RNF150: variants seen among roughly 807,000 people sequenced by gnomAD.
RNF150 encodes ring finger protein 150.
A neutral mutation model predicts 39.3 loss-of-function variants in RNF150; 24 were observed. The ratio of observed to expected loss-of-function variants is 0.61; its 90% CI spans 0.44 to 0.86. The LOEUF is 0.86. Ranked by LOEUF, RNF150 falls within the 40% of genes least tolerant of loss-of-function variation. The pLI, the probability that RNF150 is intolerant of heterozygous loss-of-function variation, is 0.00. For synonymous variants in RNF150, 255 were observed against 227.3 expected, an observed-to-expected ratio of 1.12 and a Z score of -1.10; for missense variants, 502 against 587.8, an observed-to-expected ratio of 0.85 and a Z score of 1.51.
chr4:140,946,299 T>C (rs1732308585), intron 4 of RNF150, among the ~76,000 whole-genome samples: 1 of 152,224 alleles, frequency 6.6e-6, no homozygotes, highest in South Asian at 2.1e-4. Context: ...TCCTGTCACT[T>C]CTTTTTTGGT....
intron 1 of RNF150, among the ~76,000 whole-genome samples, chr4:141,080,549 T>C (rs939354738): frequency 1.1e-4 from 16 of 152,238 alleles, no homozygotes; most frequent in African/African-American, 3.6e-4. Context: ...TTCTCAAATA[T>C]ATCCCCTTTC....
intron 1 of RNF150, chr4:141,053,806 C>G: frequency 1.5e-6 from 1 of 679,208 alleles, no homozygotes; most frequent in Non-Finnish European, 2.1e-6. Context: ...AAAGCTATCC[C>G]TTCAAAATGC....
chr4:140,931,270 A>G (rs1418828541), intron 4 of RNF150, among the ~76,000 whole-genome samples: 1 of 149,178 alleles, frequency 6.7e-6, no homozygotes, highest in African/African-American at 2.5e-5. Flanking sequence ...TGGAAAGCAG[A>G]TAACTACAAA....
intron 1 of RNF150, among the ~76,000 whole-genome samples, chr4:141,129,263 G>A (rs1443130485): frequency 1.3e-5 from 2 of 152,112 alleles, no homozygotes; most frequent in Non-Finnish European, 2.9e-5. Context: ...TCCATACAAC[G>A]AAATATTATT....
Position 140,982,871 on chromosome 4 carries a change from G to C in RNF150, c.485-14998C>G, listed in dbSNP as rs543731642. Among the ~76,000 whole-genome samples the C allele has an allele frequency of 7.2e-5, 11 of 152,190 alleles. No individual in the cohort carries two copies. The South Asian group carries it at 2.1e-3, about 29-fold the overall frequency. ...AGTTTCTGTACAGGCTATCTCATCA[G>C]CTGTAGTCAGTGTGTTTCTGGGGCA... On this transcript the variant is annotated intron_variant, in intron 1 of 6. Coordinates refer to ENST00000515673, the MANE Select transcript of RNF150 (RefSeq NM_020724.2).
intron 1 of RNF150, among the ~76,000 whole-genome samples, chr4:141,097,269 G>T (rs1738825553): frequency 6.6e-6 from 1 of 152,088 alleles, no homozygotes; most frequent in Admixed American, 6.5e-5. Context: ...AACACCCTAG[G>T]TCCTGACAGC....
chr4:141,053,918 G>A (rs996516247), intron 1 of RNF150, among the ~76,000 whole-genome samples: 10 of 152,102 alleles, frequency 6.6e-5, no homozygotes, highest in African/African-American at 2.4e-4. Context: ...CACCTGATCT[G>A]TGAGAGAATT....
intron 6 of RNF150, among the ~76,000 whole-genome samples, chr4:140,899,563 T>TGTGTGCATGA (rs1560954754): frequency 3.3e-5 from 5 of 151,868 alleles, no homozygotes; most frequent in South Asian, 2.1e-4. Flanking sequence ...TGTGTGCATG[T>TGTGTGCATGA]GTGTATGCAT....
intron 1 of RNF150, among the ~76,000 whole-genome samples, chr4:141,053,045 G>A (rs1421316601): frequency 6.6e-6 from 1 of 152,142 alleles, no homozygotes; most frequent in East Asian, 1.9e-4. Context: ...ACCTAATAAG[G>A]TTGTGGGTAG....
chr4:140,999,834 C>G (rs1734508677), intron 1 of RNF150, among the ~76,000 whole-genome samples: 1 of 151,100 alleles, frequency 6.6e-6, no homozygotes, highest in African/African-American at 2.4e-5. Flanking sequence ...ACTCATGAGG[C>G]TGAGGCAGGA....
At chr4:141,182,861 C>A (rs1408852072) in intron 1 of RNF150, among the ~76,000 whole-genome samples, 1 of 143,394 alleles carries the variant, frequency 7.0e-6, no homozygotes, top group Non-Finnish European at 1.5e-5. Context: ...AAAAAAGAGC[C>A]CGCATCGCCA....
In RNF150 at chr4:141,132,718, A is replaced by G; in HGVS notation, c.91T>C (p.Phe31Leu). The change falls in exon 1 of 7, where the codon TTT (phenylalanine) becomes CTT (leucine). Residue 31 changes from phenylalanine (F) to leucine (L), a missense_variant. Physicochemically the swap from Phe to Leu is conservative, Grantham distance 22. Transcript: ENST00000515673. The surrounding 1 kb of genome is among the most constrained non-coding windows in gnomAD (Gnocchi z 4.9). ...CATTCCTCCTTCTCGGCCACGGTAAAGTCCAGGCAGAGCAGATGCACGAAA... is the reference window on the plus strand; with the variant it reads ...CATTCCTCCTTCTCGGCCACGGTAAGGTCCAGGCAGAGCAGATGCACGAAA... ...FCFVHLLCLD[F>L]TVAEKEEWYT... is the part of the protein sequence containing the mutation. 1 of 1,610,068 alleles carries G rather than the reference A, an allele frequency of 6.2e-7. No homozygotes were observed. The highest frequency in any genetic ancestry group is 8.5e-7 in the Non-Finnish European group (1 of 1,178,468).
At chr4:140,947,944 T>G (rs899199136) in intron 3 of RNF150, among the ~76,000 whole-genome samples, 1 of 152,224 alleles carries the variant, frequency 6.6e-6, no homozygotes, top group Non-Finnish European at 1.5e-5. Flanking sequence ...CAAGTGCTTT[T>G]GTAAGGAAAA....
intron 1 of RNF150, among the ~76,000 whole-genome samples, chr4:141,009,537 T>A (rs1734996094): frequency 1.3e-5 from 2 of 152,182 alleles, no homozygotes; most frequent in Admixed American, 6.5e-5. Flanking sequence ...TCTCATAAGG[T>A]TACTTGCTAG....
At chr4:141,155,258 T>TTG (rs1727366734) in intron 1 of RNF150, among the ~76,000 whole-genome samples, 1 of 121,068 alleles carries the variant, frequency 8.3e-6, no homozygotes, top group African/African-American at 3.1e-5. Context: ...GCTGATTTTT[T>TTG]TTTTTTTTTT....
intron 1 of RNF150, among the ~76,000 whole-genome samples, chr4:140,972,475 G>A (rs920108554): frequency 6.6e-6 from 1 of 152,098 alleles, no homozygotes; most frequent in African/African-American, 2.4e-5. Flanking sequence ...ACAAATTAAA[G>A]GAATAAGGCA....
chr4:141,073,530 T>C (rs946378730), intron 1 of RNF150, among the ~76,000 whole-genome samples: 1 of 152,128 alleles, frequency 6.6e-6, no homozygotes, highest in Non-Finnish European at 1.5e-5. Flanking sequence ...CGAAGAGGAC[T>C]CTGGAAAGAG....
intron 1 of RNF150, among the ~76,000 whole-genome samples, chr4:141,032,821 G>A (rs1359923170): frequency 6.6e-6 from 1 of 152,098 alleles, no homozygotes; most frequent in African/African-American, 2.4e-5. Context: ...ACTATACTGA[G>A]GTCTATTAAG....
intron 1 of RNF150, among the ~76,000 whole-genome samples, chr4:141,153,182 G>A (rs747452394): frequency 6.6e-6 from 1 of 152,144 alleles, no homozygotes; most frequent in Non-Finnish European, 1.5e-5. Flanking sequence ...TTGTTGGGGA[G>A]GGAGGGTTAA....
Sources: allele counts gnomAD v4.1 joint callset (sites outside exome capture counted in the v4.1 genomes callset), GRCh38; gene constraint gnomAD v4.1.1; non-coding constraint Gnocchi (gnomAD v3.1); transcripts MANE v1.5; gene names NCBI Gene and HGNC (gene_info 2026-07-23, HGNC 2026-07-21).